Variants in TMEM47 observed in about 807,000 individuals in gnomAD.
The protein encoded by TMEM47 is transmembrane protein 47.
Under a neutral mutation model 12.4 loss-of-function variants are expected in TMEM47, and 3 were observed. That is an observed-to-expected ratio of 0.24 (90% CI 0.11 to 0.63). The LOEUF (loss-of-function observed/expected upper bound fraction) is 0.63, where lower values mean the gene tolerates loss of function less well. TMEM47 is among the 20% of genes least tolerant of loss of function. The pLI is 0.86. For synonymous variants in TMEM47, 62 were observed against 63.3 expected, an observed-to-expected ratio of 0.98 and a Z score of 0.10; for missense variants, 89 against 143.8, an observed-to-expected ratio of 0.62 and a Z score of 1.95.
At chrX:34,643,072 G>A (rs979521872) in intron 1 of TMEM47, among the ~76,000 whole-genome samples, 1 of 111,409 alleles carries the variant, frequency 9.0e-6, no homozygotes, top group Non-Finnish European at 1.9e-5. Context: ...ATCTCTTTCA[G>A]TAAACAACTA....
rs926582492 is a variant in TMEM47, at chrX:34,627,494, G to C, written c.*2819C>G. The C allele has an allele frequency of 9.0e-6, 1 of 111,652 alleles. No individual in the cohort carries two copies. Among genetic ancestry groups the C allele is most frequent in the Admixed American group, 9.6e-5 (1 of 10,402 alleles). 9.2% of individuals were successfully genotyped at this position (111,652 alleles called of 1,213,427 possible). The stretch of plus-strand genomic sequence containing the variant: ...GACGTCACTTACCAGTCAGTTCATT[G>C]CATGTTTAATAATATACAGGTACAT... On this transcript the variant is annotated 3_prime_UTR_variant, in exon 3 of 3. Transcript: ENST00000275954.
In TMEM47 at chrX:34,636,794, C is replaced by T. The variant is rs764936916; in HGVS notation, c.367+2453G>A. 4.5e-5 allele frequency among the ~76,000 whole-genome samples: 5 copies of T among 111,576 alleles called. No individual in the cohort carries two copies. In the East Asian group the frequency reaches 1.1e-3, roughly 25 times the overall value. ...GCCTTCAGGTGTTGCTCCCGAGAAA[C>T]GGAGTAACTGGAGTTACAGGACGGA... is the stretch of plus-strand genomic sequence containing the variant. On this transcript the variant is annotated intron_variant, in intron 2 of 2. Coordinates refer to ENST00000275954, the MANE Select transcript of TMEM47 (RefSeq NM_031442.4).
chrX:34,632,275 A>G (rs1449748902), intron 2 of TMEM47, among the ~76,000 whole-genome samples: 5 of 112,227 alleles, frequency 4.5e-5, no homozygotes, highest in African/African-American at 1.6e-4. Flanking sequence ...TGACATAGTA[A>G]AACTATATAC....
chrX:34,639,162 A>G, intron 2 of TMEM47, 85 bp downstream of exon 2: 40 of 1,047,757 alleles, frequency 3.8e-5, no homozygotes, highest in Non-Finnish European at 5.1e-5. Context: ...TGCAGCAAAC[A>G]CATACCTCTT....
chrX:34,653,352 T>A (rs1188415566), intron 1 of TMEM47, among the ~76,000 whole-genome samples: 6 of 102,334 alleles, frequency 5.9e-5, no homozygotes, highest in Non-Finnish European at 6.0e-5. Flanking sequence ...TACTATTTGA[T>A]CAAGTATTTT....
At chrX:34,630,583 G>T in intron 2 of TMEM47, 92 bp from the exon 3 acceptor site, 1 of 880,788 alleles carries the variant, frequency 1.1e-6, no homozygotes, top group Non-Finnish European at 1.5e-6. Context: ...GAGTAACTTT[G>T]TAATCAAATA....
chrX:34,643,297 C>T (rs1221329896), intron 1 of TMEM47, among the ~76,000 whole-genome samples: 2 of 110,565 alleles, frequency 1.8e-5, no homozygotes, highest in African/African-American at 3.3e-5. Flanking sequence ...TATTTACTTA[C>T]CATCCGAAGT....
At chrX:34,640,991 A>T (rs1028014510) in intron 1 of TMEM47, among the ~76,000 whole-genome samples, 1 of 111,317 alleles carries the variant, frequency 9.0e-6, no homozygotes, top group African/African-American at 3.3e-5. Flanking sequence ...TAACAAAGCC[A>T]TACAACTTCA....
intron 1 of TMEM47, among the ~76,000 whole-genome samples, chrX:34,650,989 C>T (rs12013929): frequency 0.013 from 1,116 of 85,488 alleles, 18 homozygotes; most frequent in African/African-American, 0.056. Context: ...ACTGGTTGGC[C>T]GTTTGTTGTT....
rs748371531 is a variant in TMEM47 at position 34,630,508 on chromosome X, T to A, written c.368-17A>T. The A allele has an allele frequency of 2.7e-5, 32 of 1,171,582 alleles. No homozygotes were observed. In the South Asian group the frequency reaches 6.1e-4, roughly 22 times the overall value. ...GTAAAACAACTGAAAGAAAAGCAAA[T>A]CAAAATTAGAAAATGTTATTTGCAG... On this transcript the variant is annotated splice_polypyrimidine_tract_variant and intron_variant, in intron 2 of 2. Transcript: ENST00000275954.
chrX:34,638,837 A>G (rs1921764994), intron 2 of TMEM47, among the ~76,000 whole-genome samples: 1 of 112,166 alleles, frequency 8.9e-6, no homozygotes, highest in African/African-American at 3.2e-5. Flanking sequence ...AAAGAGATAT[A>G]CATCTTTAAG....
rs1343334315 is a variant in TMEM47 at position 34,627,468 on chromosome X, A to G, written c.*2845T>C. ...AAATTACATTGCTAGCCATACAATT[A>G]GACGTCACTTACCAGTCAGTTCATT... On this transcript the variant is annotated 3_prime_UTR_variant, in exon 3 of 3. Coordinates refer to ENST00000275954, the MANE Select transcript of TMEM47 (RefSeq NM_031442.4). The G allele has an allele frequency of 8.9e-6, 1 of 112,087 alleles. No homozygotes were observed. Among genetic ancestry groups the G allele is most frequent in the African/African-American group, 3.2e-5 (1 of 30,772 alleles). 9.2% of individuals were successfully genotyped at this position (112,087 alleles called of 1,213,427 possible).
chrX:34,652,130 C>T (rs1922027879), intron 1 of TMEM47, among the ~76,000 whole-genome samples: 1 of 112,227 alleles, frequency 8.9e-6, no homozygotes. Context: ...CTCATTTATT[C>T]TCCAACATAC....
intron 1 of TMEM47, among the ~76,000 whole-genome samples, chrX:34,655,743 T>G (rs1039987531): frequency 9.5e-6 from 1 of 105,142 alleles, no homozygotes; most frequent in African/African-American, 3.5e-5. Context: ...CAGGTGTCTA[T>G]GTGTGTGTGT....
intron 1 of TMEM47, among the ~76,000 whole-genome samples, chrX:34,654,672 C>T (rs1477376117): frequency 8.9e-6 from 1 of 111,812 alleles, no homozygotes; most frequent in East Asian, 2.8e-4. Context: ...GTCCCACCAT[C>T]ACCGTGGAGA....
chrX:34,634,609 C>T (rs1921681831), intron 2 of TMEM47, among the ~76,000 whole-genome samples: 1 of 111,901 alleles, frequency 8.9e-6, no homozygotes, highest in African/African-American at 3.3e-5. Flanking sequence ...ATAGTAGAGG[C>T]ATGCATGTTT....
At chrX:34,656,651 C>T (rs1159643764) in intron 1 of TMEM47, among the ~76,000 whole-genome samples, 153 bp downstream of exon 1, 1 of 105,065 alleles carries the variant, frequency 9.5e-6, no homozygotes, top group Non-Finnish European at 1.9e-5. Flanking sequence ...AGGGAGGTGG[C>T]GGGAGCCCCA....
intron 2 of TMEM47, 109 bp downstream of exon 2, chrX:34,639,138 C>G: frequency 1.1e-6 from 1 of 941,573 alleles, no homozygotes; most frequent in Non-Finnish European, 1.4e-6. Flanking sequence ...AAATGCCTCT[C>G]AATTTTTACG....
intron 2 of TMEM47, among the ~76,000 whole-genome samples, chrX:34,634,822 A>G (rs748781129): frequency 2.9e-4 from 32 of 112,171 alleles, no homozygotes; most frequent in African/African-American, 1.0e-3. Flanking sequence ...ACAGCTATTA[A>G]GAGAGTATGA....
Sources: gnomAD v4.1 joint callset for allele counts (sites outside exome capture counted in the v4.1 genomes callset) on GRCh38, gnomAD v4.1.1 for gene constraint, MANE v1.5 for transcripts, NCBI Gene and HGNC (gene_info 2026-07-23, HGNC 2026-07-21) for gene names.